Variants in PI16 observed in about 807,000 individuals in gnomAD.
The protein encoded by PI16 is peptidase inhibitor 16, also known as PSP94-binding protein.
A neutral mutation model predicts 38.0 loss-of-function variants in PI16; 35 were observed. The observed-to-expected ratio is 0.92, with a 90% CI of 0.70 to 1.22. The LOEUF (loss-of-function observed/expected upper bound fraction) is 1.22. Among genes scored for constraint, PI16 ranks in the 50% most tolerant of loss-of-function variants. The pLI is 0.00. For synonymous variants in PI16, 275 were observed against 252.9 expected, an observed-to-expected ratio of 1.09 and a Z score of -0.83; for missense variants, 572 against 593.8, an observed-to-expected ratio of 0.96 and a Z score of 0.38.
At position 36,949,352 on chromosome 6, in the gene PI16, C is replaced by T. The variant is rs574843076; in HGVS notation, c.-82+948C>T. ...GGCCAGGCTGGTTTCCAATTCCTGA[C>T]CTCAGGTGATCCGCCCACCTTGGCC... On this transcript the variant is annotated intron_variant, in intron 1 of 7. Coordinates refer to the PI16 transcript ENST00000611814. Among the ~76,000 whole-genome samples, 613 of 152,194 alleles carry T rather than the reference C, an allele frequency of 4.0e-3. 4 individuals carry two copies. The highest frequency in any genetic ancestry group is 7.7e-3 in the Non-Finnish European group (523 of 68,014).
chr6:36,954,753 T>A lies in PI16; in HGVS notation c.-8T>A. 6.2e-7 allele frequency: 1 copy of A among 1,608,154 alleles called. No homozygotes were observed. Among genetic ancestry groups the A allele is most frequent in the Non-Finnish European group, 8.5e-7 (1 of 1,176,754 alleles). ...CCTGGACGGGAGAAGGAGAGACGGC[T>A]GGCCACCATGCACGGCTCCTGCAGT... On this transcript the variant is annotated 5_prime_UTR_variant, in exon 1 of 7. Transcript: ENST00000373674.
chr6:36,953,965 T>C (rs1763142927), upstream of PI16, among the ~76,000 whole-genome samples: 1 of 152,226 alleles, frequency 6.6e-6, no homozygotes, highest in African/African-American at 2.4e-5. Flanking sequence ...AGAGGATACC[T>C]GGAAGCCAAA....
At chr6:36,961,631 C>T (rs961414533) in intron 3 of PI16, 71 bp downstream of exon 3, 31 of 1,395,894 alleles carry the variant, frequency 2.2e-5, no homozygotes, top group African/African-American at 5.7e-5. Flanking sequence ...AGGGCAGAGT[C>T]GGCCACAGCC....
At chr6:36,948,836 C>T (rs974261216) in intron 1 of PI16, among the ~76,000 whole-genome samples, 3 of 151,370 alleles carry the variant, frequency 2.0e-5, no homozygotes, top group African/African-American at 4.9e-5. Context: ...ACTCTGTCAC[C>T]CGGGCTGGAG....
intron 5 of PI16, 61 bp downstream of exon 5, chr6:36,963,673 C>G: frequency 5.1e-6 from 8 of 1,577,750 alleles, no homozygotes; most frequent in Non-Finnish European, 6.9e-6. Context: ...TATCCTGCCC[C>G]AGCATAGGTG....
At chr6:36,950,378 T>C (rs1263661313), upstream of PI16, among the ~76,000 whole-genome samples, 4 of 152,236 alleles carry the variant, frequency 2.6e-5, no homozygotes, top group Admixed American at 2.6e-4. The surrounding 1 kb of genome is among the most constrained non-coding windows in gnomAD (Gnocchi z 4.2). Context: ...AGAATTTCCT[T>C]CCTTTTTAAG....
At chr6:36,949,527 C>A (rs1478048071) in intron 1 of PI16, among the ~76,000 whole-genome samples, 1 of 152,156 alleles carries the variant, frequency 6.6e-6, no homozygotes, top group Non-Finnish European at 1.5e-5. Flanking sequence ...CACCTGAACA[C>A]CCTGGGACAG....
chr6:36,951,252 T>C (rs1438622280), upstream of PI16, among the ~76,000 whole-genome samples: 1 of 152,236 alleles, frequency 6.6e-6, no homozygotes, highest in Non-Finnish European at 1.5e-5. Context: ...AATCAAATTT[T>C]TTTTTCTTGA....
rs1383114700 is a variant in PI16 at position 36,948,639 on chromosome 6, C to T, written c.-82+235C>T. On this transcript the variant is annotated intron_variant, in intron 1 of 7. Coordinates refer to the PI16 transcript ENST00000611814. The stretch of plus-strand genomic sequence containing the variant: ...TTTTTTTTCCTTCCTTCCTCCTTCC[C>T]TCCTTCCTCCCTCCCTCCTTCCCTC... 3.6e-5 allele frequency among the ~76,000 whole-genome samples: 3 copies of T among 83,774 alleles called. 1 individual carries two copies. The allele number at this position is 83,774 out of a possible 152,430, so 55.0% of individuals were successfully genotyped here. A position where few individuals can be genotyped will look rare whatever the true frequency, so the allele number is the denominator to read the frequency against.
chr6:36,954,184 A>T (rs1763148553), upstream of PI16, among the ~76,000 whole-genome samples: 1 of 152,232 alleles, frequency 6.6e-6, no homozygotes, highest in Non-Finnish European at 1.5e-5. Context: ...TATGTCATTG[A>T]ATCTTCCCTC....
In PI16 at chr6:36,962,940, A is replaced by C; in HGVS notation, c.598A>C (p.Ile200Leu). 1 of 1,611,986 alleles carries C rather than the reference A, an allele frequency of 6.2e-7. No individual in the cohort carries two copies. The highest frequency in any genetic ancestry group is 2.2e-5 in the East Asian group (1 of 44,876). The change falls in exon 5 of 7, where the codon ATC (isoleucine) becomes CTC (leucine). Residue 200 changes from isoleucine (I) to leucine (L), a missense_variant. Transcript: ENST00000373674. The surrounding 1 kb of genome is among the most constrained non-coding windows in gnomAD (Gnocchi z 4.1). ...GTTCTCGTCTGTCTTATCAGAACCC[A>C]TCGGAAGCCCGGAAGATGCTCAGGA... The part of the protein sequence containing the change: ...YHCKNSLCEP[I>L]GSPEDAQDLP...
intron 1 of PI16, among the ~76,000 whole-genome samples, chr6:36,958,813 T>C (rs900426962): frequency 6.6e-6 from 1 of 152,120 alleles, no homozygotes; most frequent in African/African-American, 2.4e-5. Flanking sequence ...GGCAGGGGCA[T>C]GTATGGCCAC....
intron 6 of PI16, 71 bp from the exon 7 acceptor site, chr6:36,964,315 A>G (rs752246754): frequency 2.1e-5 from 4 of 192,682 alleles, no homozygotes; most frequent in Non-Finnish European, 4.2e-5. Context: ...GGCCCCTCCC[A>G]GTCCCCTGGC....
At chr6:36,959,559 C>T (rs1392465592) in intron 2 of PI16, among the ~76,000 whole-genome samples, 193 bp downstream of exon 2, 1 of 152,224 alleles carries the variant, frequency 6.6e-6, no homozygotes, top group Non-Finnish European at 1.5e-5. Flanking sequence ...CTGTCTAAGA[C>T]TCTGACGGAG....
At position 36,961,879 on chromosome 6, in the gene PI16, C is replaced by G. The variant is rs763302059; in HGVS notation, c.504-7C>G. On this transcript the variant is annotated splice_region_variant and splice_polypyrimidine_tract_variant and intron_variant, in intron 3 of 6. Transcript: ENST00000373674. ...CCTCCCCGCAGCATCCTCCTGACCTCCTGTAGGGGGAACGTGAAGGGGAAA... is the reference window on the plus strand; with the variant it reads ...CCTCCCCGCAGCATCCTCCTGACCTGCTGTAGGGGGAACGTGAAGGGGAAA... 6.2e-7 allele frequency: 1 copy of G among 1,612,752 alleles called. No homozygotes were observed. The highest frequency in any genetic ancestry group is 8.5e-7 in the Non-Finnish European group (1 of 1,178,830).
Position 36,962,720 on chromosome 6 carries a change from G to T in PI16, c.593-215G>T, listed in dbSNP as rs1294854034. ...ACTCCTGACCTCAGGTGATCCACCT[G>T]CCTCAGTCTCCCAAAGTGCTGGGAT... is the stretch of plus-strand genomic sequence containing the variant. On this transcript the variant is annotated intron_variant, in intron 4 of 6. Coordinates refer to ENST00000373674, the MANE Select transcript of PI16 (RefSeq NM_153370.3). The surrounding 1 kb of genome is among the most constrained non-coding windows in gnomAD (Gnocchi z 4.1). 6.6e-6 allele frequency among the ~76,000 whole-genome samples: 1 copy of T among 152,158 alleles called. No homozygotes were observed. The highest frequency in any genetic ancestry group is 2.4e-5 in the African/African-American group (1 of 41,442).
chr6:36,954,808 A>G lies in PI16; in HGVS notation c.48A>G (p.Leu16=), dbSNP rs1179873856. ...TGATGCTTCTGCTGCCGCTACTGCTACTGCTGGTGGCCACCACAGGCCCCG... is the reference window on the plus strand; with the variant it reads ...TGATGCTTCTGCTGCCGCTACTGCTGCTGCTGGTGGCCACCACAGGCCCCG... ...SFLMLLLPLL[L]LLVATTGPVG... The change falls in exon 1 of 7, where the codon CTA becomes CTG. Residue 16 remains leucine (L), a synonymous_variant. Coordinates refer to ENST00000373674, the MANE Select transcript of PI16 (RefSeq NM_153370.3). 3.1e-6 allele frequency: 5 copies of G among 1,613,948 alleles called. No homozygotes were observed. The African/African-American group carries it at 6.7e-5, about 22-fold the overall frequency.
chr6:36,957,475 T>G (rs1308802275), intron 1 of PI16, among the ~76,000 whole-genome samples: 1 of 152,326 alleles, frequency 6.6e-6, no homozygotes, highest in East Asian at 1.9e-4. Flanking sequence ...CCCAAATGAC[T>G]TTTATGTCAA....
rs1479177209 is a variant in PI16 at position 36,959,352 on chromosome 6, G to A, written c.379G>A (p.Gly127Ser). ...AATCSPGQMC[G>S]HYTQVVWAKT... is the part of the protein sequence containing the mutation. ...CACCTGCAGCCCAGGCCAGATGTGCGGCCACTACACGCAGGTGTGGGCCCG... is the reference window on the plus strand; with the variant it reads ...CACCTGCAGCCCAGGCCAGATGTGCAGCCACTACACGCAGGTGTGGGCCCG... Residue 127 changes from glycine (G) to serine (S), a missense_variant, in exon 2 of 7, where the codon GGC (glycine) becomes AGC (serine). By Grantham distance (56) the Gly-to-Ser change is moderately conservative (BLOSUM62 0). Transcript: ENST00000373674. 1.3e-6 allele frequency: 2 copies of A among 1,558,976 alleles called. No homozygotes were observed. Among genetic ancestry groups the A allele is most frequent in the Non-Finnish European group, 1.7e-6 (2 of 1,152,172 alleles).
Sources: allele counts gnomAD v4.1 joint callset (sites outside exome capture counted in the v4.1 genomes callset), GRCh38; gene constraint gnomAD v4.1.1; non-coding constraint Gnocchi (gnomAD v3.1); transcripts MANE v1.5; gene names NCBI Gene and HGNC (gene_info 2026-07-23, HGNC 2026-07-21).